Variants in LINGO2 observed in about 807,000 individuals in gnomAD.
The protein encoded by LINGO2 is leucine-rich repeat and immunoglobulin-like domain-containing nogo receptor-interacting protein 2.
A neutral mutation model predicts 30.6 loss-of-function variants in LINGO2; 14 were observed. The observed-to-expected ratio is 0.46, with a 90% CI of 0.30 to 0.72. The LOEUF (loss-of-function observed/expected upper bound fraction) is 0.72. Ranked by LOEUF, LINGO2 falls within the 30% of genes least tolerant of loss-of-function variation. The pLI is 0.07. For missense variants in LINGO2, 729 were observed against 751.7 expected, an observed-to-expected ratio of 0.97 and a Z score of 0.35; for synonymous variants, 317 against 288.5, an observed-to-expected ratio of 1.10 and a Z score of -1.00.
intron 3 of LINGO2, among the ~76,000 whole-genome samples, chr9:28,300,484 A>C (rs1377288822): frequency 6.6e-6 from 1 of 152,114 alleles, no homozygotes; most frequent in Non-Finnish European, 1.5e-5. Flanking sequence ...AAACTTTACC[A>C]ATTAAAATAG....
chr9:28,562,226 C>CT (rs1325148244), intron 1 of LINGO2, among the ~76,000 whole-genome samples: 5 of 151,856 alleles, frequency 3.3e-5, no homozygotes, highest in Admixed American at 6.6e-5. Context: ...AGAAGGTCTA[C>CT]TTTTTTCTGA....
At chr9:28,272,528 A>G (rs1822977749) in intron 4 of LINGO2, among the ~76,000 whole-genome samples, 1 of 151,990 alleles carries the variant, frequency 6.6e-6, no homozygotes, top group African/African-American at 2.4e-5. Context: ...ACTCTCTTCC[A>G]TGTTTCCCTG....
At chr9:28,905,024 C>A in the LINGO2 span, among the ~76,000 whole-genome samples, 2 of 151,640 alleles carry the variant, frequency 1.3e-5, no homozygotes, top group South Asian at 2.1e-4. Context: ...ACACAACGGG[C>A]AAAGAACAGT....
intron 3 of LINGO2, among the ~76,000 whole-genome samples, chr9:28,361,395 T>C (rs1820437626): frequency 6.6e-6 from 1 of 152,214 alleles, no homozygotes; most frequent in South Asian, 2.1e-4. Context: ...CTGGGGGTCT[T>C]AGAACACATC....
At chr9:28,920,106 T>C in the LINGO2 span, among the ~76,000 whole-genome samples, 17,208 of 152,138 alleles carry the variant, frequency 0.11, 968 homozygotes, top group South Asian at 0.16. Flanking sequence ...TTTAAGATGA[T>C]TCTTTTAAAA....
intron 1 of LINGO2, among the ~76,000 whole-genome samples, chr9:28,622,729 T>G (rs1256583695): frequency 5.3e-5 from 3 of 56,348 alleles, no homozygotes; most frequent in African/African-American, 9.8e-5. Context: ...GGCAGCTCTA[T>G]TTTTTTTTTT....
the LINGO2 span, among the ~76,000 whole-genome samples, chr9:28,897,320 C>G: frequency 6.6e-6 from 1 of 152,090 alleles, no homozygotes; most frequent in African/African-American, 2.4e-5. Flanking sequence ...ATGACAGAGA[C>G]AATCCTAAGT....
chr9:28,385,068 G>A (rs555023231), intron 2 of LINGO2, among the ~76,000 whole-genome samples: 14 of 152,214 alleles, frequency 9.2e-5, no homozygotes, highest in Non-Finnish European at 2.1e-4. Flanking sequence ...TACTAAGCTA[G>A]ACACTGGGGT....
the LINGO2 span, among the ~76,000 whole-genome samples, chr9:29,019,914 G>C: frequency 6.6e-6 from 1 of 152,152 alleles, no homozygotes; most frequent in East Asian, 1.9e-4. Context: ...ACAATGCTCA[G>C]TGGGGAGATT....
At chr9:27,960,837 G>A (rs1226362505) in intron 5 of LINGO2, among the ~76,000 whole-genome samples, 3 of 151,554 alleles carry the variant, frequency 2.0e-5, no homozygotes, top group Non-Finnish European at 4.4e-5. Flanking sequence ...TGCATTTTTT[G>A]TTCCTGTCTT....
chr9:28,985,117 T>C, the LINGO2 span, among the ~76,000 whole-genome samples: 1 of 152,160 alleles, frequency 6.6e-6, no homozygotes, highest in Admixed American at 6.6e-5. Flanking sequence ...AAACATGCAG[T>C]ATTTGTCTTT....
At chr9:28,546,457 G>C (rs926100259) in intron 1 of LINGO2, among the ~76,000 whole-genome samples, 1 of 152,044 alleles carries the variant, frequency 6.6e-6, no homozygotes, top group African/African-American at 2.4e-5. Context: ...ACTCAGCAAG[G>C]CTTGTTTGTT....
chr9:29,053,944 T>A, the LINGO2 span, among the ~76,000 whole-genome samples: 2 of 152,036 alleles, frequency 1.3e-5, no homozygotes, highest in African/African-American at 4.8e-5. Context: ...CACAGAAAGA[T>A]GCCAATAGTT....
the LINGO2 span, among the ~76,000 whole-genome samples, chr9:28,705,768 C>T: frequency 6.6e-6 from 1 of 152,124 alleles, no homozygotes; most frequent in African/African-American, 2.4e-5. Context: ...AGCAGTTTGT[C>T]AATTACATCT....
chr9:29,189,517 C>G, the LINGO2 span, among the ~76,000 whole-genome samples: 1 of 151,690 alleles, frequency 6.6e-6, no homozygotes, highest in Non-Finnish European at 1.5e-5. Flanking sequence ...AGGTGCTCCC[C>G]ACATCTCAGA....
chr9:28,249,463 A>G (rs1004932961), intron 4 of LINGO2, among the ~76,000 whole-genome samples: 6 of 152,126 alleles, frequency 3.9e-5, no homozygotes, highest in African/African-American at 1.2e-4. Context: ...AGAATTATTG[A>G]AAACGTAGAA....
the LINGO2 span, among the ~76,000 whole-genome samples, chr9:28,987,079 T>TG: frequency 1.3e-5 from 2 of 150,438 alleles, no homozygotes; most frequent in Non-Finnish European, 1.5e-5. Context: ...CAGGTTTTTT[T>TG]TTTTTTTTTT....
the LINGO2 span, among the ~76,000 whole-genome samples, chr9:28,833,022 G>A: frequency 6.6e-6 from 1 of 152,002 alleles, no homozygotes; most frequent in African/African-American, 2.4e-5. Context: ...GTCTTTAAGT[G>A]TGAACAGTTT....
At chr9:28,517,192 A>G (rs1285197949) in intron 1 of LINGO2, among the ~76,000 whole-genome samples, 1 of 152,160 alleles carries the variant, frequency 6.6e-6, no homozygotes, top group Non-Finnish European at 1.5e-5. Context: ...AAATGAGTAT[A>G]AGTGGTGTGA....
Sources: allele counts gnomAD v4.1 joint callset (sites outside exome capture counted in the v4.1 genomes callset), GRCh38; gene constraint gnomAD v4.1.1; transcripts MANE v1.5; gene names NCBI Gene and HGNC (gene_info 2026-07-23, HGNC 2026-07-21).